The following ATP9B variants were observed in gnomAD, a reference collection of about 807,000 sequenced individuals.
ATP9B encodes the protein ATPase phospholipid transporting 9B.
In ATP9B, 110 loss-of-function variants were observed where a neutral mutation model predicts 146.1. The observed-to-expected ratio is 0.75, with a 90% CI of 0.65 to 0.88. The LOEUF (loss-of-function observed/expected upper bound fraction) is 0.88, where lower values mean the gene tolerates loss of function less well. Among genes scored for constraint, ATP9B ranks in the 40% least tolerant of loss-of-function variants. ATP9B has a pLI of 0.00. For missense variants in ATP9B, 1,499 were observed against 1,496.4 expected (o/e 1.00, Z -0.03); for synonymous variants, 604 against 569.7 (o/e 1.06, Z -0.86).
In ATP9B at chr18:79,139,389, A is replaced by G. The variant is rs550102600; in HGVS notation, c.668-4413A>G. Reference sequence around the variant, plus strand: ...AGTGCTGTGGATGTTTTGCAGCAGGATGTTTTATACCACAAACACGTGACT... The same window carrying G: ...AGTGCTGTGGATGTTTTGCAGCAGGGTGTTTTATACCACAAACACGTGACT... On this transcript the variant is annotated intron_variant, in intron 5 of 29. Coordinates refer to ENST00000426216, the MANE Select transcript of ATP9B (RefSeq NM_198531.5). 2.6e-5 allele frequency among the ~76,000 whole-genome samples: 4 copies of G among 152,298 alleles called. No individual in the cohort carries two copies. The East Asian group carries it at 7.7e-4, about 29-fold the overall frequency.
chr18:79,217,097 G>A (rs1014681820), intron 11 of ATP9B, among the ~76,000 whole-genome samples: 3 of 152,250 alleles, frequency 2.0e-5, no homozygotes, highest in East Asian at 3.8e-4. Flanking sequence ...GCATGGAGCC[G>A]TGACACGTCT....
chr18:79,286,896 T>C (rs1346891994), intron 13 of ATP9B, among the ~76,000 whole-genome samples: 5 of 152,236 alleles, frequency 3.3e-5, no homozygotes, highest in East Asian at 1.9e-4. Flanking sequence ...TTGTCTTTGG[T>C]TCTGTTTATA....
intron 13 of ATP9B, among the ~76,000 whole-genome samples, chr18:79,294,004 G>A (rs536933362): frequency 3.0e-4 from 46 of 152,216 alleles, no homozygotes; most frequent in African/African-American, 1.1e-3. Context: ...AAGAAGCAAA[G>A]TATAATAGCA....
intron 5 of ATP9B, among the ~76,000 whole-genome samples, chr18:79,131,089 AG>A (rs1167874245): frequency 1.3e-5 from 2 of 152,158 alleles, no homozygotes; most frequent in Admixed American, 6.5e-5. Context: ...TGAACCTGGG[AG>A]GCAGAGGTTG....
intron 6 of ATP9B, among the ~76,000 whole-genome samples, chr18:79,150,960 A>G (rs922372345): frequency 3.0e-4 from 45 of 152,188 alleles, no homozygotes; most frequent in African/African-American, 1.0e-3. Flanking sequence ...AGACCAAAGT[A>G]AATGTAAGAC....
At chr18:79,072,540 T>C (rs2071986998) in intron 1 of ATP9B, among the ~76,000 whole-genome samples, 1 of 151,808 alleles carries the variant, frequency 6.6e-6, no homozygotes, top group African/African-American at 2.4e-5. Context: ...GAGTCTCCTA[T>C]GTCTACTTCT....
At chr18:79,319,531 C>T (rs1022704082) in intron 15 of ATP9B, among the ~76,000 whole-genome samples, 1 of 152,162 alleles carries the variant, frequency 6.6e-6, no homozygotes, top group African/African-American at 2.4e-5. Context: ...CCGTAGGGGT[C>T]CCTGCTTCTC....
intron 8 of ATP9B, among the ~76,000 whole-genome samples, chr18:79,192,071 G>A (rs1251258753): frequency 6.6e-6 from 1 of 152,142 alleles, no homozygotes; most frequent in Non-Finnish European, 1.5e-5. Flanking sequence ...AGTGGATATA[G>A]TTTAGGGCAT....
chr18:79,262,066 G>A (rs1044974403), intron 12 of ATP9B, among the ~76,000 whole-genome samples: 4 of 151,896 alleles, frequency 2.6e-5, no homozygotes, highest in Admixed American at 1.3e-4. Context: ...GTGTACCCTC[G>A]GGGCCCTGCA....
chr18:79,326,775 A>G (rs2096749635), intron 15 of ATP9B, among the ~76,000 whole-genome samples: 1 of 152,222 alleles, frequency 6.6e-6, no homozygotes, highest in Non-Finnish European at 1.5e-5. Context: ...TTTTAAAGGT[A>G]GTTCCTGGTC....
chr18:79,377,147 C>T, intron 29 of ATP9B, 100 bp from the exon 30 acceptor site: 1 of 1,431,128 alleles, frequency 7.0e-7, no homozygotes, highest in Non-Finnish European at 9.6e-7. Context: ...CCGTGGCAAG[C>T]TTAGACCGTC....
intron 4 of ATP9B, chr18:79,117,766 C>T (rs1008799037): frequency 1.3e-5 from 2 of 152,142 alleles, no homozygotes; most frequent in African/African-American, 2.4e-5. Context: ...GCTAGGTAAC[C>T]GTGGAAGAGA....
At chr18:79,230,529 C>T (rs140428586) in intron 11 of ATP9B, among the ~76,000 whole-genome samples, 299 of 152,180 alleles carry the variant, frequency 2.0e-3, no homozygotes, top group African/African-American at 7.0e-3. Context: ...GGTGAAAGTC[C>T]TCTGCAAGGA....
intron 2 of ATP9B, 63 bp from the exon 3 acceptor site, chr18:79,110,292 T>A (rs1357583617): frequency 7.0e-7 from 1 of 1,429,624 alleles, no homozygotes; most frequent in Non-Finnish European, 9.3e-7. Flanking sequence ...ATATGTACAA[T>A]TAGTTTGAAC....
At chr18:79,327,773 A>G (rs77604952) in intron 15 of ATP9B, among the ~76,000 whole-genome samples, 1,652 of 15,632 alleles carry the variant, frequency 0.11, 29 homozygotes, top group African/African-American at 0.16. Flanking sequence ...TCTGTGGTTA[A>G]CGTGCTCTCC....
intron 8 of ATP9B, among the ~76,000 whole-genome samples, chr18:79,190,954 A>G (rs1023094404): frequency 6.6e-6 from 1 of 152,146 alleles, no homozygotes; most frequent in Non-Finnish European, 1.5e-5. Flanking sequence ...TTCCTTCTTG[A>G]AGATATGAGT....
intron 26 of ATP9B, among the ~76,000 whole-genome samples, chr18:79,366,062 C>T (rs1030338961): frequency 3.9e-5 from 6 of 152,240 alleles, no homozygotes; most frequent in Non-Finnish European, 8.8e-5. Flanking sequence ...ATACATTGTG[C>T]ATTTTGCTGT....
chr18:79,243,685 T>G (rs940193180), intron 11 of ATP9B, among the ~76,000 whole-genome samples: 3 of 152,240 alleles, frequency 2.0e-5, no homozygotes, highest in African/African-American at 7.2e-5. Flanking sequence ...AGTTGAGCAC[T>G]TAAGCATTAA....
At chr18:79,156,478 C>T (rs1364654371) in intron 7 of ATP9B, among the ~76,000 whole-genome samples, 1 of 152,214 alleles carries the variant, frequency 6.6e-6, no homozygotes, top group African/African-American at 2.4e-5. Context: ...GATGCCAAAG[C>T]TTCCGTCAGC....
Sources: allele counts gnomAD v4.1 joint callset (sites outside exome capture counted in the v4.1 genomes callset), GRCh38; gene constraint gnomAD v4.1.1; transcripts MANE v1.5; gene names NCBI Gene and HGNC (gene_info 2026-07-23, HGNC 2026-07-21).